SPHKAP: variants seen among roughly 807,000 people sequenced by gnomAD.
SPHKAP encodes the protein A-kinase anchor protein SPHKAP.
SPHKAP carries 67 observed loss-of-function variants against 137.5 expected under a neutral mutation model. That is an observed-to-expected ratio of 0.49 (90% CI 0.40 to 0.60). SPHKAP has a LOEUF of 0.60. Among genes scored for constraint, SPHKAP ranks in the 20% least tolerant of loss-of-function variants. SPHKAP has a pLI of 0.00. For missense variants in SPHKAP, 2,097 were observed against 2,069.3 expected (o/e 1.01, Z -0.26); for synonymous variants, 813 against 785.3 (o/e 1.04, Z -0.59).
chr2:228,010,621 T>A (rs1694333173), intron 7 of SPHKAP, among the ~76,000 whole-genome samples: 1 of 152,158 alleles, frequency 6.6e-6, no homozygotes, highest in South Asian at 2.1e-4. Flanking sequence ...CCTTTCACAT[T>A]TATCTTTAAA....
intron 3 of SPHKAP, among the ~76,000 whole-genome samples, chr2:228,068,838 A>C (rs1314598541): frequency 6.6e-6 from 1 of 152,222 alleles, no homozygotes; most frequent in Non-Finnish European, 1.5e-5. Context: ...TATGCAGCTC[A>C]TCTCCTGAAA....
chr2:228,092,580 TTA>T (rs751727830), intron 3 of SPHKAP, among the ~76,000 whole-genome samples: 6 of 143,420 alleles, frequency 4.2e-5, no homozygotes, highest in Non-Finnish European at 6.1e-5. Context: ...TATGTGTATA[TTA>T]TATGTGTATA....
At chr2:228,050,662 C>T (rs996294162) in intron 3 of SPHKAP, among the ~76,000 whole-genome samples, 6 of 152,206 alleles carry the variant, frequency 3.9e-5, no homozygotes, top group East Asian at 3.9e-4. Flanking sequence ...TTTCCTCTAG[C>T]GATTTTGAAG....
intron 1 of SPHKAP, among the ~76,000 whole-genome samples, chr2:228,132,916 A>C (rs1054145745): frequency 5.9e-5 from 9 of 151,870 alleles, no homozygotes; most frequent in Non-Finnish European, 1.3e-4. Flanking sequence ...AGGTATGAGA[A>C]TCGTTTGAAC....
intron 2 of SPHKAP, among the ~76,000 whole-genome samples, chr2:228,121,473 G>T (rs569215850): frequency 6.6e-6 from 1 of 152,130 alleles, no homozygotes; most frequent in East Asian, 1.9e-4. Context: ...CCATGATCAC[G>T]CTACTGCATT....
intron 1 of SPHKAP, among the ~76,000 whole-genome samples, chr2:228,138,641 T>A (rs558896065): frequency 1.3e-5 from 2 of 152,322 alleles, no homozygotes; most frequent in South Asian, 4.1e-4. Flanking sequence ...GAAGCCATCA[T>A]TTTATGTTCT....
chr2:228,165,000 T>C (rs901475623), intron 1 of SPHKAP, among the ~76,000 whole-genome samples: 2 of 152,230 alleles, frequency 1.3e-5, no homozygotes, highest in Non-Finnish European at 2.9e-5. Context: ...GTGTTCATTA[T>C]TGCATTTCAG....
chr2:228,156,235 G>T (rs1354068049), intron 1 of SPHKAP, among the ~76,000 whole-genome samples: 2 of 152,144 alleles, frequency 1.3e-5, no homozygotes, highest in Non-Finnish European at 2.9e-5. Context: ...GAACTGAGAG[G>T]ATACTTTATT....
chr2:228,123,221 A>AT (rs1341185828), intron 2 of SPHKAP, among the ~76,000 whole-genome samples: 2 of 152,070 alleles, frequency 1.3e-5, no homozygotes, highest in East Asian at 1.9e-4. Flanking sequence ...ATAATTCTCT[A>AT]TTTTTTTCTT....
At chr2:228,071,633 G>GTTTTT (rs368437055) in intron 3 of SPHKAP, among the ~76,000 whole-genome samples, 2,608 of 151,854 alleles carry the variant, frequency 0.017, 73 homozygotes, top group African/African-American at 0.059. Context: ...TGCAAGGCTT[G>GTTTTT]TTTTTTTTGT....
chr2:228,165,781 T>C (rs1700406055), intron 1 of SPHKAP, among the ~76,000 whole-genome samples: 2 of 152,252 alleles, frequency 1.3e-5, no homozygotes, highest in South Asian at 4.1e-4. Flanking sequence ...TCTTAACTAA[T>C]GTACTGAACA....
At chr2:228,061,345 C>A (rs184317921) in intron 3 of SPHKAP, among the ~76,000 whole-genome samples, 42 of 152,140 alleles carry the variant, frequency 2.8e-4, no homozygotes, top group Non-Finnish European at 8.8e-5. Context: ...CTCACTGCAA[C>A]CTTTGCCTCC....
chr2:228,119,869 C>T (rs904246556), intron 2 of SPHKAP, among the ~76,000 whole-genome samples: 21 of 151,950 alleles, frequency 1.4e-4, no homozygotes, highest in Non-Finnish European at 8.8e-5. Context: ...CCTCCTTTGA[C>T]AAAAAGGAGA....
chr2:228,098,036 T>C (rs1474256241), intron 3 of SPHKAP, among the ~76,000 whole-genome samples: 1 of 152,232 alleles, frequency 6.6e-6, no homozygotes, highest in Non-Finnish European at 1.5e-5. Context: ...AGTTCTGTTT[T>C]AATTTATTTG....
At chr2:227,988,252 A>G (rs1401331332) in intron 11 of SPHKAP, among the ~76,000 whole-genome samples, 2 of 152,210 alleles carry the variant, frequency 1.3e-5, no homozygotes, top group South Asian at 2.1e-4. Context: ...CTATGTGCAG[A>G]GAGTCTTAGA....
At chr2:228,063,158 A>G (rs1344940296) in intron 3 of SPHKAP, among the ~76,000 whole-genome samples, 1 of 140,416 alleles carries the variant, frequency 7.1e-6, no homozygotes, top group African/African-American at 3.0e-5. Context: ...CTATCTATCT[A>G]TCTATCTATC....
chr2:228,080,417 A>G (rs1697324929), intron 3 of SPHKAP, among the ~76,000 whole-genome samples: 1 of 152,218 alleles, frequency 6.6e-6, no homozygotes, highest in Non-Finnish European at 1.5e-5. Context: ...CATTAAAACC[A>G]CAATGATGTC....
intron 3 of SPHKAP, among the ~76,000 whole-genome samples, chr2:228,101,230 A>G (rs1284052887): frequency 6.6e-6 from 1 of 152,166 alleles, no homozygotes; most frequent in Non-Finnish European, 1.5e-5. Flanking sequence ...TCCATACACT[A>G]GAAGCATCCA....
chr2:228,171,843 A>G (rs1020094145), intron 1 of SPHKAP, among the ~76,000 whole-genome samples: 2 of 151,990 alleles, frequency 1.3e-5, no homozygotes, highest in Non-Finnish European at 2.9e-5. Flanking sequence ...CTGACAATTG[A>G]CTCTTGAATC....
Sources: allele counts gnomAD v4.1 joint callset (sites outside exome capture counted in the v4.1 genomes callset), GRCh38; gene constraint gnomAD v4.1.1; transcripts MANE v1.5; gene names NCBI Gene and HGNC (gene_info 2026-07-23, HGNC 2026-07-21).